KIF6: variants seen among roughly 807,000 people sequenced by gnomAD.
KIF6 encodes kinesin family member 6, also known as kinesin-like protein KIF6.
KIF6 carries 106 observed loss-of-function variants against 112.7 expected under a neutral mutation model. The observed-to-expected ratio is 0.94, with a 90% confidence interval of 0.80 to 1.11. The LOEUF (loss-of-function observed/expected upper bound fraction) is 1.11. Among genes scored for constraint, KIF6 ranks in the 50% least tolerant of loss-of-function variants. The pLI, the probability that KIF6 is intolerant of heterozygous loss-of-function variation, is 0.00. For synonymous variants in KIF6, 339 were observed against 339.9 expected, an observed-to-expected ratio of 1.00 and a Z score of 0.03; for missense variants, 929 against 964.0, an observed-to-expected ratio of 0.96 and a Z score of 0.48.
At chr6:39,568,926 G>A (rs1349937645) in intron 10 of KIF6, among the ~76,000 whole-genome samples, 8 of 152,060 alleles carry the variant, frequency 5.3e-5, no homozygotes, top group African/African-American at 1.7e-4. Flanking sequence ...TCAATAGATG[G>A]TTTAGACTCT....
chr6:39,567,764 C>T (rs932197940), intron 10 of KIF6, among the ~76,000 whole-genome samples: 37 of 152,074 alleles, frequency 2.4e-4, no homozygotes, highest in South Asian at 2.1e-4. Context: ...CCCACCACCG[C>T]GCCTGGCTAA....
At chr6:39,610,001 G>C (rs535309564) in intron 6 of KIF6, among the ~76,000 whole-genome samples, 89 of 152,334 alleles carry the variant, frequency 5.8e-4, no homozygotes, top group African/African-American at 1.8e-3. Context: ...ACCATGGGTA[G>C]GACTATGCCT....
chr6:39,628,808 C>A (rs1318863160), intron 5 of KIF6, among the ~76,000 whole-genome samples: 5 of 152,008 alleles, frequency 3.3e-5, no homozygotes, highest in African/African-American at 9.7e-5. Context: ...CACCCAGAAA[C>A]CCCCTGTGCT....
intron 16 of KIF6, among the ~76,000 whole-genome samples, chr6:39,385,046 G>T (rs1462391437): frequency 1.3e-5 from 2 of 152,234 alleles, no homozygotes; most frequent in African/African-American, 4.8e-5. Context: ...GCAGTGGGCA[G>T]TAAATAGCAT....
Position 39,343,280 on chromosome 6 carries a change from C to T in KIF6, c.2428+429G>A, listed in dbSNP as rs78555632. On this transcript the variant is annotated intron_variant, in intron 22 of 22. Coordinates refer to ENST00000287152, the MANE Select transcript of KIF6 (RefSeq NM_145027.6). This position sits in a 1 kb window ranked among gnomAD's most constrained non-coding sequence, Gnocchi z 4.1. ...GGCCTTCAAGCAGTGTTTACACTCA[C>T]AGCTCTTTGGCAAGAACCACACTCT... The T allele has an allele frequency of 1.4e-3, 1,805 of 1,289,770 alleles. 24 individuals carry two copies. The African/African-American group carries it at 0.022, about 16-fold the overall frequency. The allele number at this position is 1,289,770 out of a possible 1,614,324, so 79.9% of individuals were successfully genotyped here.
At chr6:39,527,727 C>T in intron 13 of KIF6, among the ~76,000 whole-genome samples, 1 of 152,334 alleles carries the variant, frequency 6.6e-6, no homozygotes, top group Non-Finnish European at 1.5e-5. Flanking sequence ...ATTTCCTGCA[C>T]ACCTCCAAAG....
Position 39,586,273 on chromosome 6 carries a change from T to C in KIF6, c.978A>G (p.Lys326=). ...TTMIATLSLE[K]RNLDESISTC... is the part of the protein sequence containing the mutation. ...AGAGCCCACATACATCAAGATTCCTTTTCTCCAAGGAGAGTGTTGCAATCA... is the reference window on the plus strand; with the variant it reads ...AGAGCCCACATACATCAAGATTCCTCTTCTCCAAGGAGAGTGTTGCAATCA... The change falls in exon 8 of 23, where the codon AAA becomes AAG. Residue 326 remains lysine (K), a synonymous_variant. Coordinates refer to ENST00000287152, the MANE Select transcript of KIF6 (RefSeq NM_145027.6). 6.2e-7 allele frequency: 1 copy of C among 1,614,168 alleles called. No homozygotes were observed. The highest frequency in any genetic ancestry group is 8.5e-7 in the Non-Finnish European group (1 of 1,180,012).
chr6:39,518,771 G>C (rs1047254424), intron 13 of KIF6, among the ~76,000 whole-genome samples: 1 of 152,114 alleles, frequency 6.6e-6, no homozygotes. Flanking sequence ...AGCTTTTGTG[G>C]GTGAGGTCAT....
intron 1 of KIF6, among the ~76,000 whole-genome samples, chr6:39,724,321 C>T (rs1266668975): frequency 3.7e-4 from 57 of 152,002 alleles, no homozygotes; most frequent in Admixed American, 3.7e-3. Context: ...GGCGTGGTGG[C>T]GGGCACCTGT....
chr6:39,466,930 T>G (rs541504751), intron 13 of KIF6, among the ~76,000 whole-genome samples: 1 of 152,322 alleles, frequency 6.6e-6, no homozygotes, highest in East Asian at 1.9e-4. Flanking sequence ...AAAAGGCTAC[T>G]TCCCCCCTTC....
intron 13 of KIF6, 127 bp downstream of exon 13, chr6:39,539,876 T>C (rs949050476): frequency 1.4e-5 from 10 of 703,222 alleles, no homozygotes; most frequent in Middle Eastern, 2.7e-4. Context: ...TTTAAGATAA[T>C]TGATAGTTAT....
chr6:39,611,611 A>G (rs1049245602), intron 6 of KIF6, among the ~76,000 whole-genome samples: 1 of 152,204 alleles, frequency 6.6e-6, no homozygotes, highest in Non-Finnish European at 1.5e-5. Flanking sequence ...GTCAGTTAGC[A>G]CTGAGGCGGC....
intron 14 of KIF6, 47 bp downstream of exon 14, chr6:39,431,006 G>C (rs1426094244): frequency 8.8e-7 from 1 of 1,136,594 alleles, no homozygotes; most frequent in Non-Finnish European, 1.3e-6. Context: ...TTCTAGGCTG[G>C]CCTGGCTGAG....
intron 15 of KIF6, among the ~76,000 whole-genome samples, chr6:39,403,586 T>C (rs904483692): frequency 6.6e-6 from 1 of 152,250 alleles, no homozygotes; most frequent in South Asian, 2.1e-4. Context: ...CCACCAGTTT[T>C]TGGCAATTAT....
At chr6:39,662,053 G>T (rs1003258653) in intron 3 of KIF6, among the ~76,000 whole-genome samples, 2 of 152,102 alleles carry the variant, frequency 1.3e-5, no homozygotes, top group African/African-American at 4.8e-5. Flanking sequence ...TAACATTATA[G>T]AATATATTTA....
Position 39,540,182 on chromosome 6 carries a change from G to A in KIF6, c.1466C>T (p.Ala489Val), listed in dbSNP as rs1582089078. 6.2e-7 allele frequency: 1 copy of A among 1,612,728 alleles called. No individual in the cohort carries two copies. The highest frequency in any genetic ancestry group is 2.2e-5 in the East Asian group (1 of 44,848). ...VNMLKKEKKKAQEALHLAGMD... is the reference protein window; with the variant it reads ...VNMLKKEKKKVQEALHLAGMD... ...GCCAGCCAAGTGGAGAGCCTCCTGA[G>A]CTTTCTTCTTTTCTTTTTTTAACAT... Residue 489 changes from alanine to valine, a missense_variant, in exon 13 of 23, where the codon GCT becomes GTT. By Grantham distance (64) the Ala-to-Val change is moderately conservative. Coordinates refer to ENST00000287152, the MANE Select transcript of KIF6 (RefSeq NM_145027.6).
intron 13 of KIF6, among the ~76,000 whole-genome samples, chr6:39,484,225 G>C (rs1774981300): frequency 6.6e-6 from 1 of 152,208 alleles, no homozygotes; most frequent in Admixed American, 6.5e-5. Flanking sequence ...TACAGGGCCT[G>C]CTCCATGGCA....
chr6:39,398,675 T>C (rs528644476), intron 15 of KIF6, among the ~76,000 whole-genome samples: 1 of 152,360 alleles, frequency 6.6e-6, no homozygotes, highest in Admixed American at 6.5e-5. Flanking sequence ...AGTTAGATGT[T>C]CTATTTAGTA....
rs1212036636 is a variant in KIF6, at chr6:39,381,329, G to C, written c.1861+4293C>G. Among the ~76,000 whole-genome samples the C allele has an allele frequency of 3.3e-5, 5 of 152,282 alleles. No homozygotes were observed. In the East Asian group the frequency reaches 5.8e-4, roughly 18 times the overall value. ...AATAACAGAGGAAATACTGAGAATG[G>C]AGAGTGAGAGAAAGTGAAAAGAAGC... On this transcript the variant is annotated intron_variant, in intron 16 of 22. Coordinates refer to ENST00000287152, the MANE Select transcript of KIF6 (RefSeq NM_145027.6).
Sources: gnomAD v4.1 joint callset for allele counts (sites outside exome capture counted in the v4.1 genomes callset) on GRCh38, gnomAD v4.1.1 for gene constraint, Gnocchi (gnomAD v3.1) non-coding constraint, MANE v1.5 for transcripts, NCBI Gene and HGNC (gene_info 2026-07-23, HGNC 2026-07-21) for gene names.